MCU: variants seen among roughly 807,000 people sequenced by gnomAD.
MCU encodes the protein calcium uniporter protein, mitochondrial.
In MCU, 12 loss-of-function variants were observed where a neutral mutation model predicts 45.2. That is an observed-to-expected ratio of 0.27 (90% CI 0.17 to 0.43). The LOEUF is 0.43. Among genes scored for constraint, MCU ranks in the 20% least tolerant of loss-of-function variants. The pLI, the probability that MCU is intolerant of heterozygous loss-of-function variation, is 1.00. For synonymous variants in MCU, 160 were observed against 165.1 expected, an observed-to-expected ratio of 0.97 and a Z score of 0.24; for missense variants, 324 against 436.7, an observed-to-expected ratio of 0.74 and a Z score of 2.30.
At chr10:72,708,988 A>G (rs971808614) in intron 1 of MCU, among the ~76,000 whole-genome samples, 6 of 152,040 alleles carry the variant, frequency 3.9e-5, no homozygotes, top group Non-Finnish European at 5.9e-5. Flanking sequence ...AGCCTGGGTG[A>G]CAGAGTGAAA....
At chr10:72,800,858 C>T (rs569890366) in intron 1 of MCU, among the ~76,000 whole-genome samples, 1 of 152,244 alleles carries the variant, frequency 6.6e-6, no homozygotes, top group African/African-American at 2.4e-5. Context: ...CACGGTGGCT[C>T]ACACCTTTAA....
At chr10:72,764,642 C>T (rs1459224472) in intron 1 of MCU, among the ~76,000 whole-genome samples, 1 of 152,090 alleles carries the variant, frequency 6.6e-6, no homozygotes, top group African/African-American at 2.4e-5. Flanking sequence ...GGAAGAATTA[C>T]AATTTGGATT....
chr10:72,731,438 C>A (rs955255182), intron 1 of MCU, among the ~76,000 whole-genome samples: 1 of 152,012 alleles, frequency 6.6e-6, no homozygotes, highest in Admixed American at 6.6e-5. Context: ...TTTTTTTAAG[C>A]AATGGCTTTA....
intron 1 of MCU, among the ~76,000 whole-genome samples, chr10:72,746,199 G>A: frequency 6.6e-6 from 1 of 152,104 alleles, no homozygotes; most frequent in Non-Finnish European, 1.5e-5. Context: ...TCGAATATAA[G>A]ACTGTCTCAT....
chr10:72,796,920 A>G (rs997185315), intron 1 of MCU, among the ~76,000 whole-genome samples: 1 of 152,038 alleles, frequency 6.6e-6, no homozygotes, highest in East Asian at 1.9e-4. Flanking sequence ...TTTTATTGCA[A>G]TATGATTAAG....
chr10:72,759,283 G>A (rs920754988), intron 1 of MCU, among the ~76,000 whole-genome samples: 1 of 152,104 alleles, frequency 6.6e-6, no homozygotes, highest in Non-Finnish European at 1.5e-5. Flanking sequence ...CAAGCAGGGG[G>A]TACATGACTG....
At chr10:72,868,232 T>G (rs2132880943) in intron 4 of MCU, among the ~76,000 whole-genome samples, 1 of 152,274 alleles carries the variant, frequency 6.6e-6, no homozygotes, top group East Asian at 1.9e-4. Context: ...CTTTTTACAT[T>G]TGTGGACAAC....
chr10:72,703,586 G>A (rs1305475534), intron 1 of MCU, among the ~76,000 whole-genome samples: 1 of 152,168 alleles, frequency 6.6e-6, no homozygotes, highest in Non-Finnish European at 1.5e-5. Flanking sequence ...ACCCAGTTAT[G>A]TGTGTGCATT....
intron 4 of MCU, 101 bp downstream of exon 4, chr10:72,860,628 C>A: frequency 1.2e-6 from 1 of 864,476 alleles, no homozygotes; most frequent in Non-Finnish European, 1.8e-6. Context: ...AGACAGTATT[C>A]AAAGAACACT....
chr10:72,859,407 A>G, intron 3 of MCU, 60 bp downstream of exon 3: 1 of 1,474,230 alleles, frequency 6.8e-7, no homozygotes, highest in Non-Finnish European at 9.3e-7. Context: ...CACCATTTCT[A>G]GACACATACA....
At chr10:72,801,241 A>G (rs1844335364) in intron 1 of MCU, among the ~76,000 whole-genome samples, 2 of 152,120 alleles carry the variant, frequency 1.3e-5, no homozygotes, top group South Asian at 4.1e-4. Flanking sequence ...GTGTTATTAT[A>G]CACTATCACC....
intron 7 of MCU, 28 bp downstream of exon 7, chr10:72,884,410 C>T (rs184814366): frequency 7.9e-7 from 1 of 1,270,768 alleles, no homozygotes; most frequent in African/African-American, 1.5e-5. Flanking sequence ...TAAAATAAAT[C>T]CCAGCCCTAT....
intron 1 of MCU, among the ~76,000 whole-genome samples, chr10:72,751,842 CT>C (rs879553104): frequency 5.4e-4 from 78 of 143,620 alleles, no homozygotes; most frequent in Non-Finnish European, 6.0e-4. Context: ...GACAGACTTT[CT>C]TTTTTTTTTT....
At chr10:72,692,444 C>G in intron 1 of MCU, 143 bp downstream of exon 1, 1 of 618,352 alleles carries the variant, frequency 1.6e-6, no homozygotes, top group South Asian at 7.5e-5. Context: ...GAGGAGCCGC[C>G]GTGCCCTTCA....
intron 1 of MCU, among the ~76,000 whole-genome samples, chr10:72,778,776 A>G (rs934375396): frequency 3.9e-5 from 6 of 152,146 alleles, no homozygotes; most frequent in African/African-American, 1.2e-4. Flanking sequence ...AAAAATCACT[A>G]TCCTTACCAA....
chr10:72,801,390 A>C (rs1173727754), intron 1 of MCU, among the ~76,000 whole-genome samples: 1 of 148,724 alleles, frequency 6.7e-6, no homozygotes, highest in African/African-American at 2.5e-5. Flanking sequence ...TATTTTTTAA[A>C]GTTAGTAATT....
chr10:72,701,633 T>C (rs1379624458), intron 1 of MCU, among the ~76,000 whole-genome samples: 1 of 152,000 alleles, frequency 6.6e-6, no homozygotes, highest in South Asian at 2.1e-4. Context: ...TTCAAGTCAT[T>C]CTCCTGCCTC....
At chr10:72,791,929 G>A (rs753531547) in intron 1 of MCU, among the ~76,000 whole-genome samples, 12 of 152,004 alleles carry the variant, frequency 7.9e-5, no homozygotes, top group Non-Finnish European at 1.5e-4. Flanking sequence ...AGCTATACAT[G>A]TAGTAATTTT....
At chr10:72,791,404 C>T (rs967452155) in intron 1 of MCU, among the ~76,000 whole-genome samples, 1 of 152,186 alleles carries the variant, frequency 6.6e-6, no homozygotes, top group African/African-American at 2.4e-5. Context: ...ACTCTCTTCA[C>T]AACCTCCCTA....
Sources: allele counts gnomAD v4.1 joint callset (sites outside exome capture counted in the v4.1 genomes callset), GRCh38; gene constraint gnomAD v4.1.1; transcripts MANE v1.5; gene names NCBI Gene and HGNC (gene_info 2026-07-23, HGNC 2026-07-21).